SNTB1: variants seen among roughly 807,000 people sequenced by gnomAD.
SNTB1 encodes the protein beta-1-syntrophin.
SNTB1 carries 36 observed loss-of-function variants against 48.9 expected under a neutral mutation model. The ratio of observed to expected loss-of-function variants is 0.74; its 90% CI spans 0.56 to 0.97. The LOEUF (loss-of-function observed/expected upper bound fraction) is 0.97. Among genes scored for constraint, SNTB1 ranks in the 50% least tolerant of loss-of-function variants. The pLI, the probability that SNTB1 is intolerant of heterozygous loss-of-function variation, is 0.00. For missense variants in SNTB1, 786 were observed against 703.4 expected (o/e 1.12, Z -1.33); for synonymous variants, 299 against 294.6 (o/e 1.01, Z -0.15).
chr8:120,636,607 G>A (rs1356747558), intron 2 of SNTB1, among the ~76,000 whole-genome samples: 2 of 149,434 alleles, frequency 1.3e-5, no homozygotes, highest in African/African-American at 4.9e-5. Context: ...ATTCCATGGT[G>A]TATATGTGCC....
At chr8:120,679,652 G>A (rs1817895961) in intron 2 of SNTB1, among the ~76,000 whole-genome samples, 1 of 152,064 alleles carries the variant, frequency 6.6e-6, no homozygotes, top group African/African-American at 2.4e-5. Flanking sequence ...CCTTATAAAA[G>A]AAGCCAGGAT....
At chr8:120,650,175 GCCATCTTGGCT>G (rs1449129420) in intron 2 of SNTB1, among the ~76,000 whole-genome samples, 1 of 152,164 alleles carries the variant, frequency 6.6e-6, no homozygotes, top group African/African-American at 2.4e-5. Flanking sequence ...TTCCTATTCG[GCCATCTTGGCT>G]CTGGTTCCCG....
intron 3 of SNTB1, among the ~76,000 whole-genome samples, chr8:120,615,107 C>T (rs914430410): frequency 5.3e-5 from 8 of 151,870 alleles, no homozygotes; most frequent in South Asian, 2.1e-4. Flanking sequence ...GCCGAGATTG[C>T]GCCACTGCAC....
intron 1 of SNTB1, among the ~76,000 whole-genome samples, chr8:120,714,834 G>A (rs922052818): frequency 2.6e-5 from 4 of 152,214 alleles, no homozygotes; most frequent in African/African-American, 4.8e-5. Flanking sequence ...GCCAGTGGGT[G>A]TAAGTTTCCA....
intron 4 of SNTB1, 57 bp from the exon 5 acceptor site, chr8:120,549,015 A>G: frequency 6.3e-6 from 9 of 1,424,156 alleles, no homozygotes; most frequent in East Asian, 2.3e-5. Flanking sequence ...TTCACCTGGC[A>G]TATCACCTTG....
At chr8:120,677,669 C>T (rs956741815) in intron 2 of SNTB1, among the ~76,000 whole-genome samples, 2 of 151,586 alleles carry the variant, frequency 1.3e-5, no homozygotes, top group Non-Finnish European at 2.9e-5. Flanking sequence ...CTAGTATGTC[C>T]CAGGCATTAG....
At chr8:120,592,250 C>T (rs546695467) in intron 3 of SNTB1, among the ~76,000 whole-genome samples, 11 of 152,172 alleles carry the variant, frequency 7.2e-5, no homozygotes, top group South Asian at 6.2e-4. Context: ...GTCGTGATCA[C>T]GGCATGCTGC....
chr8:120,616,522 C>T (rs532252188), intron 3 of SNTB1, among the ~76,000 whole-genome samples: 3 of 148,830 alleles, frequency 2.0e-5, no homozygotes, highest in Admixed American at 6.7e-5. Context: ...TGATACATTG[C>T]CCCAGGCTGG....
intron 1 of SNTB1, among the ~76,000 whole-genome samples, chr8:120,735,408 T>C (rs1428665013): frequency 6.6e-6 from 1 of 152,150 alleles, no homozygotes. Flanking sequence ...ACAATTTATA[T>C]GTTGAAGCCC....
intron 5 of SNTB1, 198 bp from the exon 6 acceptor site, chr8:120,542,198 C>A: frequency 1.9e-6 from 1 of 522,740 alleles, no homozygotes; most frequent in Non-Finnish European, 3.4e-6. Flanking sequence ...CCCCATAGAA[C>A]TAAGGAAAAA....
At chr8:120,799,690 C>T (rs543831397) in intron 1 of SNTB1, among the ~76,000 whole-genome samples, 1 of 152,080 alleles carries the variant, frequency 6.6e-6, no homozygotes, top group East Asian at 1.9e-4. Context: ...AGGATTTCCG[C>T]ATGCAGATAG....
At chr8:120,584,875 A>G (rs1444660827) in intron 3 of SNTB1, among the ~76,000 whole-genome samples, 9 of 152,182 alleles carry the variant, frequency 5.9e-5, no homozygotes, top group Admixed American at 5.9e-4. Flanking sequence ...AGCATGAAGG[A>G]AGAGACCAGG....
chr8:120,714,524 G>A (rs146763422), intron 1 of SNTB1, among the ~76,000 whole-genome samples: 120 of 151,644 alleles, frequency 7.9e-4, no homozygotes, highest in Middle Eastern at 3.4e-3. Flanking sequence ...ATTAGAAGCA[G>A]GATCTTCAAA....
At chr8:120,553,575 C>A (rs921168456) in intron 4 of SNTB1, among the ~76,000 whole-genome samples, 4 of 152,160 alleles carry the variant, frequency 2.6e-5, no homozygotes, top group Admixed American at 2.0e-4. Flanking sequence ...TGGGAAAATG[C>A]ATCTATATTC....
At chr8:120,698,787 T>G (rs1818254254) in intron 1 of SNTB1, among the ~76,000 whole-genome samples, 1 of 152,168 alleles carries the variant, frequency 6.6e-6, no homozygotes, top group South Asian at 2.1e-4. Context: ...AGGGTAGCCA[T>G]GCTTGGGTGT....
chr8:120,665,026 G>A (rs1359240338), intron 2 of SNTB1, among the ~76,000 whole-genome samples: 1 of 152,190 alleles, frequency 6.6e-6, no homozygotes, highest in Non-Finnish European at 1.5e-5. Flanking sequence ...ATTGACTAAT[G>A]AAGTAGATCA....
intron 2 of SNTB1, among the ~76,000 whole-genome samples, chr8:120,651,837 A>G (rs969644107): frequency 6.6e-6 from 1 of 152,196 alleles, no homozygotes; most frequent in Non-Finnish European, 1.5e-5. Context: ...AGAGCCAAAA[A>G]TACCTAACAG....
chr8:120,720,796 G>C (rs1818646387), intron 1 of SNTB1, among the ~76,000 whole-genome samples: 1 of 152,186 alleles, frequency 6.6e-6, no homozygotes, highest in South Asian at 2.1e-4. Flanking sequence ...TACCAAGTCA[G>C]GAGTGAGTGG....
chr8:120,785,400 TG>T (rs909822353), intron 1 of SNTB1, among the ~76,000 whole-genome samples: 2 of 152,210 alleles, frequency 1.3e-5, no homozygotes, highest in Non-Finnish European at 2.9e-5. Context: ...AGCAGAACAC[TG>T]TGGGTGTCAG....
Sources: gnomAD v4.1 joint callset for allele counts (sites outside exome capture counted in the v4.1 genomes callset) on GRCh38, gnomAD v4.1.1 for gene constraint, MANE v1.5 for transcripts, NCBI Gene and HGNC (gene_info 2026-07-23, HGNC 2026-07-21) for gene names.